The following LAMA2 variants were observed in gnomAD, a reference collection of about 807,000 sequenced individuals.
LAMA2 encodes laminin subunit alpha-2.
A neutral mutation model predicts 364.8 loss-of-function variants in LAMA2; 269 were observed. That is an observed-to-expected ratio of 0.74 (90% CI 0.67 to 0.82). The LOEUF (loss-of-function observed/expected upper bound fraction) is 0.82, where lower values mean the gene tolerates loss of function less well. Ranked by LOEUF, LAMA2 falls within the 40% of genes least tolerant of loss-of-function variation. The probability of loss-of-function intolerance (pLI) is 0.00; values close to 1 mark genes in which losing one functional copy is unlikely to be tolerated. For missense variants in LAMA2, 3,807 were observed against 3,873.2 expected, an observed-to-expected ratio of 0.98 and a Z score of 0.45; for synonymous variants, 1,379 against 1,370.6, an observed-to-expected ratio of 1.01 and a Z score of -0.14.
chr6:129,410,629 A>C (rs1780485349), intron 40 of LAMA2, among the ~76,000 whole-genome samples: 1 of 152,212 alleles, frequency 6.6e-6, no homozygotes, highest in Non-Finnish European at 1.5e-5. Context: ...AGATAGATAG[A>C]TACATTGATT....
chr6:129,014,065 G>A (rs1361615312), intron 1 of LAMA2, among the ~76,000 whole-genome samples: 2 of 152,126 alleles, frequency 1.3e-5, no homozygotes, highest in African/African-American at 4.8e-5. Flanking sequence ...TTTGTCTTGA[G>A]CAACTGCATG....
intron 3 of LAMA2, among the ~76,000 whole-genome samples, chr6:129,065,824 C>T (rs1304831726): frequency 1.3e-5 from 2 of 151,982 alleles, no homozygotes; most frequent in African/African-American, 4.8e-5. Context: ...TGTTTTCCCC[C>T]ATGCTGTTGT....
Position 129,462,649 on chromosome 6 carries a change from A to G in LAMA2, c.6993-1641A>G, listed in dbSNP as rs1436707413. 3.3e-5 allele frequency among the ~76,000 whole-genome samples: 5 copies of G among 152,048 alleles called. No individual in the cohort carries two copies. In the East Asian group the frequency reaches 5.8e-4, roughly 18 times the overall value. Reference sequence around the variant, plus strand: ...TTATTGTTTTGTGAGTTCTCTAATTACACACTTGTGTAAGTTTTTAGCAGG... The same window carrying G: ...TTATTGTTTTGTGAGTTCTCTAATTGCACACTTGTGTAAGTTTTTAGCAGG... On this transcript the variant is annotated intron_variant, in intron 49 of 64. Coordinates refer to ENST00000421865, the MANE Select transcript of LAMA2 (RefSeq NM_000426.4).
chr6:128,896,788 T>C (rs1332004256), intron 1 of LAMA2, among the ~76,000 whole-genome samples: 1 of 152,252 alleles, frequency 6.6e-6, no homozygotes, highest in Non-Finnish European at 1.5e-5. Context: ...CAGGCTATTC[T>C]TTTCTAAAAT....
At chr6:129,129,684 G>T (rs1297618790) in intron 4 of LAMA2, among the ~76,000 whole-genome samples, 1 of 152,046 alleles carries the variant, frequency 6.6e-6, no homozygotes, top group Non-Finnish European at 1.5e-5. Flanking sequence ...CAGCACTTTG[G>T]GAGGCCGAGG....
At chr6:129,148,321 A>G (rs1358565804) in intron 6 of LAMA2, among the ~76,000 whole-genome samples, 1 of 152,076 alleles carries the variant, frequency 6.6e-6, no homozygotes, top group Admixed American at 6.6e-5. Context: ...CATGGACTCA[A>G]GGAGGGGAAC....
At chr6:129,377,977 A>G (rs1778470906) in intron 34 of LAMA2, among the ~76,000 whole-genome samples, 1 of 152,196 alleles carries the variant, frequency 6.6e-6, no homozygotes, top group African/African-American at 2.4e-5. Flanking sequence ...GAAATGGGAA[A>G]AAAAAAACCT....
intron 60 of LAMA2, among the ~76,000 whole-genome samples, chr6:129,503,855 A>G (rs2114894264): frequency 6.6e-6 from 1 of 152,324 alleles, no homozygotes; most frequent in Non-Finnish European, 1.5e-5. Context: ...ACTGACAGTT[A>G]TTTGGAACAA....
chr6:129,347,059 A>C (rs1170468793), intron 30 of LAMA2, among the ~76,000 whole-genome samples: 1 of 152,158 alleles, frequency 6.6e-6, no homozygotes, highest in East Asian at 1.9e-4. Context: ...GGGGGCTAGG[A>C]GATGAAGTCA....
At chr6:128,895,425 G>A (rs1469076493) in intron 1 of LAMA2, among the ~76,000 whole-genome samples, 3 of 139,556 alleles carry the variant, frequency 2.1e-5, no homozygotes, top group African/African-American at 2.7e-5. Context: ...GAGGTCAGGA[G>A]ATCGAGACCA....
intron 1 of LAMA2, among the ~76,000 whole-genome samples, chr6:129,034,845 A>AT (rs1220226168): frequency 6.6e-6 from 1 of 152,072 alleles, no homozygotes; most frequent in East Asian, 1.9e-4. Flanking sequence ...TGGTGTTCAT[A>AT]TACCACACCA....
At chr6:129,093,652 A>G (rs1341567416) in intron 3 of LAMA2, among the ~76,000 whole-genome samples, 1 of 152,198 alleles carries the variant, frequency 6.6e-6, no homozygotes, top group African/African-American at 2.4e-5. Context: ...TACTCTTCTT[A>G]TTATAGGAGG....
At chr6:129,066,341 G>A (rs538044159) in intron 3 of LAMA2, among the ~76,000 whole-genome samples, 96 of 152,022 alleles carry the variant, frequency 6.3e-4, no homozygotes, top group African/African-American at 2.1e-3. Context: ...CACCGCGCCC[G>A]GCCTCAGGTA....
chr6:129,020,125 C>T (rs977370574), intron 1 of LAMA2, among the ~76,000 whole-genome samples: 15 of 148,270 alleles, frequency 1.0e-4, no homozygotes, highest in Admixed American at 3.3e-4. Context: ...AAAAAGAAGT[C>T]TGTGTATAGG....
chr6:129,109,695 C>G (rs951021594), intron 4 of LAMA2, among the ~76,000 whole-genome samples: 2 of 152,008 alleles, frequency 1.3e-5, no homozygotes, highest in Non-Finnish European at 2.9e-5. Flanking sequence ...TAGTAATTCT[C>G]CATCTTATAG....
At chr6:129,311,145 A>G (rs2451676) in intron 22 of LAMA2, among the ~76,000 whole-genome samples, 450 of 151,648 alleles carry the variant, frequency 3.0e-3, no homozygotes, top group African/African-American at 0.01. Flanking sequence ...TTTTTTAGAC[A>G]GAGCCTTGCT....
chr6:129,457,404 T>G (rs973293776), intron 48 of LAMA2, among the ~76,000 whole-genome samples: 2 of 152,052 alleles, frequency 1.3e-5, no homozygotes, highest in African/African-American at 4.8e-5. Context: ...AATATAGGGA[T>G]AGCACACAGT....
At chr6:128,920,452 G>A (rs1778627014) in intron 1 of LAMA2, among the ~76,000 whole-genome samples, 1 of 151,924 alleles carries the variant, frequency 6.6e-6, no homozygotes, top group African/African-American at 2.4e-5. Context: ...CACCGTGCCG[G>A]TCCCTCATGC....
chr6:129,385,036 A>T (rs528601324), intron 35 of LAMA2, among the ~76,000 whole-genome samples: 11 of 116,298 alleles, frequency 9.5e-5, no homozygotes, highest in African/African-American at 3.7e-4. Flanking sequence ...TAATGGAGAA[A>T]AAAAGAGAAA....
Sources: gnomAD v4.1 joint callset for allele counts (sites outside exome capture counted in the v4.1 genomes callset) on GRCh38, gnomAD v4.1.1 for gene constraint, MANE v1.5 for transcripts, NCBI Gene and HGNC (gene_info 2026-07-23, HGNC 2026-07-21) for gene names.